POLR2F: variants seen among roughly 807,000 people sequenced by gnomAD.
POLR2F encodes the protein RNA polymerase II, I and III subunit F, also known as DNA-directed RNA polymerases I, II, and III subunit RPABC2.
In POLR2F, 12 loss-of-function variants were observed where a neutral mutation model predicts 22.7. That is an observed-to-expected ratio of 0.53 (90% CI 0.34 to 0.86). POLR2F has a LOEUF of 0.86. POLR2F is among the 40% of genes least tolerant of loss of function. The probability of loss-of-function intolerance (pLI) is 0.02; values close to 1 mark genes in which losing one functional copy is unlikely to be tolerated. For synonymous variants in POLR2F, 57 were observed against 66.0 expected (o/e 0.86, Z 0.66); for missense variants, 126 against 171.5 (o/e 0.73, Z 1.48).
chr22:37,959,304 G>A (rs757192059), intron 2 of POLR2F, 42 bp from the exon 3 acceptor site: 19 of 1,606,980 alleles, frequency 1.2e-5, no homozygotes, highest in Non-Finnish European at 1.5e-5. Flanking sequence ...TAACCCAAAA[G>A]TGCCACCTGA....
chr22:37,987,026 C>T (rs752181825), intron 1 of POLR2F: 4 of 456,368 alleles, frequency 8.8e-6, no homozygotes, highest in African/African-American at 6.0e-5. Context: ...CATTCTTGAC[C>T]CTTCTCCAGG....
intron 5 of POLR2F, among the ~76,000 whole-genome samples, chr22:38,036,121 G>A (rs1237681333): frequency 5.3e-5 from 8 of 151,952 alleles, no homozygotes; most frequent in Admixed American, 2.0e-4. Flanking sequence ...GATTACAGGC[G>A]TCTGCCACTG....
intron 5 of POLR2F, among the ~76,000 whole-genome samples, chr22:38,037,576 G>T (rs560576207): frequency 2.7e-5 from 4 of 147,242 alleles, no homozygotes; most frequent in Non-Finnish European, 5.9e-5. Flanking sequence ...CCTGGCCAAT[G>T]CCTGGCCTCT....
intron 1 of POLR2F, among the ~76,000 whole-genome samples, chr22:38,019,106 T>C (rs1569181960): frequency 6.6e-6 from 1 of 151,592 alleles, no homozygotes; most frequent in Non-Finnish European, 1.5e-5. Context: ...CCTTTCCCTG[T>C]GCACGTGGCT....
At chr22:38,026,468 C>A in exon 3 of POLR2F, 1 of 381,570 alleles carries the variant, frequency 2.6e-6, no homozygotes. Flanking sequence ...GATCCCAGGG[C>A]CCTCCCCAGC....
chr22:37,973,878 C>T (rs549034055), downstream of POLR2F: 19 of 1,610,384 alleles, frequency 1.2e-5, no homozygotes, highest in Admixed American at 5.0e-5. Flanking sequence ...GGCAGAGCCA[C>T]GCCTGGTGGC....
chr22:38,023,478 A>G (rs2084978439), intron 1 of POLR2F, among the ~76,000 whole-genome samples: 1 of 152,002 alleles, frequency 6.6e-6, no homozygotes, highest in African/African-American at 2.4e-5. Context: ...TATGTAGCCT[A>G]AAATTTCCCA....
chr22:37,987,582 A>G, intron 1 of POLR2F: 1 of 337,896 alleles, frequency 3.0e-6, no homozygotes, highest in Non-Finnish European at 5.8e-6. Context: ...AGGTCAGGAA[A>G]TCTGCTGGCT....
intron 1 of POLR2F, among the ~76,000 whole-genome samples, chr22:37,993,841 T>C (rs1301088666): frequency 2.0e-5 from 3 of 152,020 alleles, no homozygotes; most frequent in African/African-American, 7.2e-5. Flanking sequence ...TACAAAAAAT[T>C]AGCTGGGCAT....
intron 1 of POLR2F, among the ~76,000 whole-genome samples, chr22:37,954,447 C>T (rs1040017051): frequency 6.6e-6 from 1 of 152,084 alleles, no homozygotes; most frequent in South Asian, 2.1e-4. Flanking sequence ...GGATTATGGG[C>T]GTGCACCACC....
At chr22:38,038,719 A>C in intron 5 of POLR2F, among the ~76,000 whole-genome samples, 1 of 151,258 alleles carries the variant, frequency 6.6e-6, no homozygotes, top group African/African-American at 2.4e-5. Context: ...CCACAAAGGG[A>C]CCTTTTGTTC....
intron 1 of POLR2F, chr22:38,025,463 C>T: frequency 7.3e-7 from 1 of 1,374,214 alleles, no homozygotes; most frequent in Non-Finnish European, 9.5e-7. Context: ...CACACACGTA[C>T]TCAAAGATAC....
chr22:37,995,913 C>A lies in POLR2F; in HGVS notation c.120+9601C>A, dbSNP rs959849024. On this transcript the variant is annotated intron_variant, in intron 1 of 2. Coordinates refer to the POLR2F transcript ENST00000333418. The stretch of plus-strand genomic sequence containing the variant: ...TACTCGGGAAGCTGAGTGAGAGAAT[C>A]ACCTGAGCCTGGGAAGTTGAGTCTG... Among the ~76,000 whole-genome samples, 8 of 151,884 alleles carry A rather than the reference C, an allele frequency of 5.3e-5. No homozygotes were observed. The South Asian group carries it at 1.0e-3, about 20-fold the overall frequency.
chr22:37,960,104 A>C (rs6000958), intron 3 of POLR2F, among the ~76,000 whole-genome samples: 2 of 151,868 alleles, frequency 1.3e-5, no homozygotes, highest in South Asian at 4.2e-4. Flanking sequence ...GCGCCCGGCC[A>C]TGGTGGTTCT....
intron 3 of POLR2F, among the ~76,000 whole-genome samples, chr22:37,961,263 G>T (rs1387371819): frequency 6.6e-6 from 1 of 151,932 alleles, no homozygotes; most frequent in Non-Finnish European, 1.5e-5. Flanking sequence ...TTGCTATGTT[G>T]CCCAGGCTGG....
rs534393393 is a variant in POLR2F, at chr22:37,974,497, C to T, written c.293+7327C>T. Among the ~76,000 whole-genome samples, 6 of 151,950 alleles carry T rather than the reference C, an allele frequency of 3.9e-5. No individual in the cohort carries two copies. The highest frequency in any genetic ancestry group is 6.6e-5 in the Admixed American group (1 of 15,266). ...CCTCCTGAGTAGCTGGAATTACAAG[C>T]GCCCACCACAATGCCCAGCTAATTT... is the stretch of plus-strand genomic sequence containing the variant. On this transcript the variant is annotated intron_variant, in intron 4 of 4. Coordinates refer to the POLR2F transcript ENST00000405557. This position sits in a 1 kb window ranked among gnomAD's most constrained non-coding sequence, Gnocchi z 5.4.
At chr22:38,024,622 C>G (rs894310751) in intron 1 of POLR2F, among the ~76,000 whole-genome samples, 4 of 152,098 alleles carry the variant, frequency 2.6e-5, no homozygotes, top group African/African-American at 9.7e-5. Context: ...ACACTTGGTG[C>G]TGACTGAGAA....
rs1932377126 is a variant in POLR2F at position 37,980,926 on chromosome 22, G to A, written c.293+13756G>A. ...GAGGCTGGGTGACCCCCACCACACA[G>A]GAGGGACTCTTGCCTGTGTCCGCCT... On this transcript the variant is annotated intron_variant, in intron 4 of 4. Transcript: ENST00000405557. The surrounding 1 kb of genome is among the most constrained non-coding windows in gnomAD (Gnocchi z 4.1). 6.6e-6 allele frequency among the ~76,000 whole-genome samples: 1 copy of A among 152,220 alleles called. No homozygotes were observed. The highest frequency in any genetic ancestry group is 2.4e-5 in the African/African-American group (1 of 41,460).
intron 1 of POLR2F, among the ~76,000 whole-genome samples, chr22:38,000,235 G>T (rs1569177186): frequency 6.6e-6 from 1 of 152,244 alleles, no homozygotes; most frequent in African/African-American, 2.4e-5. Context: ...GCATGCTAAA[G>T]CCTGAAGGGA....
Sources: gnomAD v4.1 joint callset for allele counts (sites outside exome capture counted in the v4.1 genomes callset) on GRCh38, gnomAD v4.1.1 for gene constraint, Gnocchi (gnomAD v3.1) non-coding constraint, MANE v1.5 for transcripts, NCBI Gene and HGNC (gene_info 2026-07-23, HGNC 2026-07-21) for gene names.